Variants in ABCA13 observed in about 807,000 individuals in gnomAD.
ABCA13 encodes ATP-binding cassette sub-family A member 13.
ABCA13 carries 476 observed loss-of-function variants against 478.7 expected under a neutral mutation model. The observed-to-expected ratio is 0.99, with a 90% CI of 0.92 to 1.07. The LOEUF is 1.07. ABCA13 is among the 50% of genes least tolerant of loss of function. The pLI, the probability that ABCA13 is intolerant of heterozygous loss-of-function variation, is 0.00. For missense variants in ABCA13, 6,060 were observed against 5,910.6 expected (o/e 1.03, Z -0.83); for synonymous variants, 2,252 against 2,158.9 (o/e 1.04, Z -1.20).
At chr7:48,175,507 G>C (rs1440806521) in intron 1 of ABCA13, among the ~76,000 whole-genome samples, 2 of 150,814 alleles carry the variant, frequency 1.3e-5, no homozygotes, top group African/African-American at 4.9e-5. Flanking sequence ...TGCAACCTCT[G>C]CCTCCTGGGT....
chr7:48,412,375 A>G lies in ABCA13; in HGVS notation c.12251A>G (p.Asp4084Gly), dbSNP rs74448198. 6.2e-7 allele frequency: 1 copy of G among 1,613,008 alleles called. No homozygotes were observed. The highest frequency in any genetic ancestry group is 1.3e-5 in the African/African-American group (1 of 74,828). The stretch of plus-strand genomic sequence containing the variant: ...TAGCCTTCTGTTCTGGAGGCCCATG[A>G]TCTGAAAGACATGGCTTGTGTTACA... The part of the protein sequence containing the change: ...TRQPSVLEAH[D>G]LKDMACVTSL... Residue 4084 changes from aspartate (D) to glycine (G), a missense_variant, in exon 41 of 62, where the codon GAT (aspartate) becomes GGT (glycine). This residue lies in a region of ABCA13 where 1,627 missense variants were observed against 1,571.0 expected (regional missense o/e 1.04). Transcript: ENST00000435803.
intron 42 of ABCA13, among the ~76,000 whole-genome samples, chr7:48,429,801 G>T (rs1026209358): frequency 6.6e-6 from 1 of 152,136 alleles, no homozygotes; most frequent in African/African-American, 2.4e-5. Context: ...TGCTTTCTCT[G>T]CATCTATTGA....
chr7:48,588,541 G>T (rs1229237882), intron 57 of ABCA13, among the ~76,000 whole-genome samples: 4 of 152,212 alleles, frequency 2.6e-5, no homozygotes, highest in Admixed American at 1.3e-4. Context: ...AGTGGTCAAG[G>T]TGGGGACTCT....
chr7:48,505,362 C>T (rs939117142), intron 48 of ABCA13, among the ~76,000 whole-genome samples: 4 of 152,104 alleles, frequency 2.6e-5, no homozygotes, highest in Non-Finnish European at 5.9e-5. Context: ...CTTACTTATA[C>T]CCCATGATGT....
At chr7:48,347,823 C>G (rs924395003) in intron 29 of ABCA13, among the ~76,000 whole-genome samples, 8 of 152,180 alleles carry the variant, frequency 5.3e-5, no homozygotes, top group Admixed American at 2.6e-4. Context: ...GTATTAATAA[C>G]CGTTATACTA....
At chr7:48,319,285 G>C (rs1803060072) in intron 27 of ABCA13, among the ~76,000 whole-genome samples, 1 of 152,218 alleles carries the variant, frequency 6.6e-6, no homozygotes, top group African/African-American at 2.4e-5. Context: ...GCAGTATTGA[G>C]AGCTGATGTC....
intron 55 of ABCA13, among the ~76,000 whole-genome samples, chr7:48,572,577 A>T (rs1171511880): frequency 3.3e-5 from 5 of 152,180 alleles, no homozygotes; most frequent in African/African-American, 4.8e-5. Flanking sequence ...TTTAAAAAAT[A>T]TTGAATTCAT....
chr7:48,258,069 A>G (rs1793660042), intron 15 of ABCA13, among the ~76,000 whole-genome samples: 2 of 152,108 alleles, frequency 1.3e-5, no homozygotes, highest in African/African-American at 4.8e-5. Flanking sequence ...AACTACAGGC[A>G]TGTGCCGCCA....
intron 38 of ABCA13, among the ~76,000 whole-genome samples, chr7:48,401,476 C>T (rs1025723000): frequency 1.3e-5 from 2 of 152,178 alleles, no homozygotes; most frequent in Non-Finnish European, 2.9e-5. Context: ...GATTATACTT[C>T]ATCTGTAACA....
chr7:48,562,420 A>C (rs1786560416), intron 55 of ABCA13, among the ~76,000 whole-genome samples: 1 of 152,146 alleles, frequency 6.6e-6, no homozygotes, highest in South Asian at 2.1e-4. Flanking sequence ...AGTGTGAATC[A>C]CCATGGGCAA....
At chr7:48,285,884 G>C (rs926109933) in intron 19 of ABCA13, among the ~76,000 whole-genome samples, 9 of 152,064 alleles carry the variant, frequency 5.9e-5, no homozygotes, top group African/African-American at 2.2e-4. Context: ...CTACAATAAA[G>C]ATACCTGTCT....
intron 27 of ABCA13, among the ~76,000 whole-genome samples, chr7:48,329,006 T>G (rs1221587654): frequency 2.6e-5 from 4 of 152,160 alleles, no homozygotes; most frequent in Non-Finnish European, 2.9e-5. Context: ...TATTCGCACA[T>G]GCAAACAAGG....
Position 48,275,615 on chromosome 7 carries a change from C to A in ABCA13, c.5949C>A (p.Ile1983=), listed in dbSNP as rs577385506. The A allele has an allele frequency of 3.1e-6, 5 of 1,609,142 alleles. No homozygotes were observed. The Admixed American group carries it at 6.8e-5, about 22-fold the overall frequency. Residue 1983 remains isoleucine, a synonymous_variant, in exon 17 of 62, where the codon ATC becomes ATA. Transcript: ENST00000435803. ...ILDKLSSLNK[I]LNINEDTETS... is the part of the protein sequence containing the mutation. ...ACAAACTAAGTAGTTTAAACAAGATCCTTAACATTAATGAAGACACAGAGA... is the reference window on the plus strand; with the variant it reads ...ACAAACTAAGTAGTTTAAACAAGATACTTAACATTAATGAAGACACAGAGA...
chr7:48,394,897 G>C (rs1310658257), intron 38 of ABCA13, among the ~76,000 whole-genome samples: 1 of 152,078 alleles, frequency 6.6e-6, no homozygotes, highest in East Asian at 1.9e-4. Context: ...AAGCTCTACT[G>C]GGGGGTGTGT....
intron 55 of ABCA13, among the ~76,000 whole-genome samples, chr7:48,529,538 T>G (rs1833086769): frequency 6.6e-6 from 1 of 152,210 alleles, no homozygotes. Flanking sequence ...TCCAGCTTTC[T>G]GTTCAGTTTC....
intron 58 of ABCA13, among the ~76,000 whole-genome samples, chr7:48,599,300 A>G (rs1038305736): frequency 6.6e-6 from 1 of 152,022 alleles, no homozygotes; most frequent in Non-Finnish European, 1.5e-5. Flanking sequence ...GTCATTAGAT[A>G]AAATAAGTTG....
At position 48,272,736 on chromosome 7, in the gene ABCA13, A is replaced by G. The variant is rs549198948; in HGVS notation, c.3070A>G (p.Ile1024Val). 1.9e-6 allele frequency: 3 copies of G among 1,609,822 alleles called. No homozygotes were observed. In the African/African-American group the frequency reaches 4.0e-5, roughly 22 times the overall value. The change falls in exon 17 of 62, where the codon ATT (isoleucine) becomes GTT (valine). Residue 1024 changes from isoleucine (I) to valine (V), a missense_variant. Coordinates refer to ENST00000435803, the MANE Select transcript of ABCA13 (RefSeq NM_152701.5). ...LFKTAEVLGGISNVSYCQQLL... is the reference protein window; with the variant it reads ...LFKTAEVLGGVSNVSYCQQLL... ...TAAGACAGCAGAGGTTCTTGGGGGA[A>G]TTTCTAATGTATCTTACTGTCAGCA...
intron 3 of ABCA13, among the ~76,000 whole-genome samples, chr7:48,204,977 C>T: frequency 6.6e-6 from 1 of 152,230 alleles, no homozygotes; most frequent in East Asian, 1.9e-4. Context: ...CTCCCTGTAA[C>T]TGCAGTCACT....
At chr7:48,543,749 AAAC>A (rs1784566351) in intron 55 of ABCA13, among the ~76,000 whole-genome samples, 1 of 151,966 alleles carries the variant, frequency 6.6e-6, no homozygotes, top group Non-Finnish European at 1.5e-5. Flanking sequence ...AATGCAAAAC[AAAC>A]AACAGATACA....
Sources: gnomAD v4.1 joint callset for allele counts (sites outside exome capture counted in the v4.1 genomes callset) on GRCh38, gnomAD v4.1.1 for gene constraint, gnomAD v4.1.1 regional missense constraint, MANE v1.5 for transcripts, NCBI Gene and HGNC (gene_info 2026-07-23, HGNC 2026-07-21) for gene names.